SEMA4C: variants seen among roughly 807,000 people sequenced by gnomAD.
SEMA4C encodes semaphorin 4C.
A neutral mutation model predicts 89.0 loss-of-function variants in SEMA4C; 19 were observed. That is an observed-to-expected ratio of 0.21 (90% CI 0.15 to 0.31). The LOEUF (loss-of-function observed/expected upper bound fraction) is 0.31, where lower values mean the gene tolerates loss of function less well. Ranked by LOEUF, SEMA4C falls within the 10% of genes least tolerant of loss-of-function variation. The pLI is 1.00. For synonymous variants in SEMA4C, 428 were observed against 472.7 expected (o/e 0.91, Z 1.23); for missense variants, 811 against 1,107.0 (o/e 0.73, Z 3.79).
chr2:96,867,454 G>T (rs991942402), intron 2 of SEMA4C, among the ~76,000 whole-genome samples: 1 of 152,216 alleles, frequency 6.6e-6, no homozygotes, highest in South Asian at 2.1e-4. Context: ...GGAGCCAGGG[G>T]AGAGAGCCTC....
rs765734051 is a variant in SEMA4C, at chr2:96,861,904, A to C, written c.1444-10T>G. The C allele has an allele frequency of 6.2e-7, 1 of 1,602,324 alleles. No homozygotes were observed. The highest frequency in any genetic ancestry group is 2.3e-5 in the East Asian group (1 of 44,426). On this transcript the variant is annotated splice_polypyrimidine_tract_variant and intron_variant, in intron 12 of 14. Transcript: ENST00000305476. The surrounding 1 kb of genome is among the most constrained non-coding windows in gnomAD (Gnocchi z 7.8). ...CGGCAAAGAGCAGCTTCTGCGAGAAAAGCGGGGCGCAGGAGGGGGGTCGGC... is the reference window on the plus strand; with the variant it reads ...CGGCAAAGAGCAGCTTCTGCGAGAACAGCGGGGCGCAGGAGGGGGGTCGGC...
At position 96,870,076 on chromosome 2, in the gene SEMA4C, T is replaced by C. The variant is rs2080171729; in HGVS notation, c.-238A>G. 1 of 970,838 alleles carries C rather than the reference T, an allele frequency of 1.0e-6. No homozygotes were observed. The highest frequency in any genetic ancestry group is 1.8e-5 in the African/African-American group (1 of 56,770). The allele number at this position is 970,838 out of a possible 1,614,324, so 60.1% of individuals were successfully genotyped here. A position where few individuals can be genotyped will look rare whatever the true frequency, so the allele number is the denominator to read the frequency against. ...GCCACCACGGCGGGCGCCGGCTCTT[T>C]CTCCAGCGCGGCCGCGGCTCTCCGC... On this transcript the variant is annotated 5_prime_UTR_variant, in exon 1 of 15. Transcript: ENST00000305476.
At chr2:96,869,360 C>T (rs1283393378) in intron 1 of SEMA4C, 1 of 984,550 alleles carries the variant, frequency 1.0e-6, no homozygotes, top group Non-Finnish European at 1.2e-6. Context: ...AGCGGCCAGC[C>T]GTGGACCGCG....
chr2:96,867,695 C>G, intron 2 of SEMA4C, 83 bp downstream of exon 2: 1 of 1,341,570 alleles, frequency 7.5e-7, no homozygotes, highest in Non-Finnish European at 1.1e-6. Flanking sequence ...GTGCCACACA[C>G]GTGAGAATAA....
At chr2:96,863,879 C>T in intron 11 of SEMA4C, 47 bp downstream of exon 11, 1 of 1,598,006 alleles carries the variant, frequency 6.3e-7, no homozygotes. Context: ...GGCACACGGG[C>T]TTCTGCCCAG....
At chr2:96,866,772 C>T (rs1169195267) in intron 2 of SEMA4C, 4 of 418,260 alleles carry the variant, frequency 9.6e-6, no homozygotes, top group Admixed American at 3.4e-5. Flanking sequence ...ACCCCACCTT[C>T]GCTTCCTCGG....
Position 96,865,667 on chromosome 2 carries a change from A to G in SEMA4C, c.419T>C (p.Val140Ala). The G allele has an allele frequency of 6.2e-7, 1 of 1,613,302 alleles. No homozygotes were observed. Among genetic ancestry groups the G allele is most frequent in the Non-Finnish European group, 8.5e-7 (1 of 1,179,314 alleles). The part of the protein sequence containing the change: ...TYAFQPKCTY[V>A]NMLTFTLEHG... ...CCGAGGTAGGAGGGCAGCACTCACG[A>G]CGTAGGTGCACTTGGGCTGGAAGGC... Residue 140 changes from valine (V) to alanine (A), a missense_variant and splice_region_variant, in exon 5 of 15, where the codon GTC becomes GCC. Around this residue, in one of 4 missense-constraint regions of SEMA4C, gnomAD observed 441 missense variants for 664.9 expected, o/e 0.66. Coordinates refer to ENST00000305476, the MANE Select transcript of SEMA4C (RefSeq NM_017789.5).
intron 1 of SEMA4C, chr2:96,868,872 A>G: frequency 1.0e-6 from 1 of 985,036 alleles, no homozygotes. Context: ...CGCCCCAGGG[A>G]CCCTGGCCTG....
rs746106575 is a variant in SEMA4C at position 96,861,057 on chromosome 2, G to T, written c.2071C>A (p.Arg691=). ...TTGGCCCCTTTCTCCAGCTCTTCCC[G>T]CAGCCGCCGGCGCAATGACAGCACC... is the stretch of plus-strand genomic sequence containing the variant. ...LLVLSLRRRL[R]EELEKGAKAT... The change falls in exon 15 of 15, where the codon CGG becomes AGG. Residue 691 remains arginine (R), a synonymous_variant. Coordinates refer to ENST00000305476, the MANE Select transcript of SEMA4C (RefSeq NM_017789.5). The surrounding 1 kb of genome is among the most constrained non-coding windows in gnomAD (Gnocchi z 7.8). 1 of 1,612,658 alleles carries T rather than the reference G, an allele frequency of 6.2e-7. No homozygotes were observed. Among genetic ancestry groups the T allele is most frequent in the South Asian group, 1.1e-5 (1 of 91,074 alleles).
At chr2:96,866,952 G>C (rs953349483) in intron 2 of SEMA4C, 1 of 277,022 alleles carries the variant, frequency 3.6e-6, no homozygotes, top group Non-Finnish European at 7.2e-6. Context: ...GACAGGTGGG[G>C]ATGGCAGGAG....
upstream of SEMA4C, chr2:96,870,421 G>A: frequency 1.1e-6 from 1 of 898,074 alleles, no homozygotes; most frequent in East Asian, 1.2e-4. Flanking sequence ...GGCGGGCTGG[G>A]CTGGGGAGAG....
chr2:96,867,487 CA>C (rs2080105296), intron 2 of SEMA4C, among the ~76,000 whole-genome samples: 1 of 152,166 alleles, frequency 6.6e-6, no homozygotes, highest in East Asian at 1.9e-4. Flanking sequence ...ATCCCGGTTC[CA>C]GTTTCTCTTT....
Position 96,864,945 on chromosome 2 carries a change from C to G in SEMA4C, c.786+19G>C, listed in dbSNP as rs2080035603. ...GGGCCAGCAGGGCTCCCAGGGCCCA[C>G]CGCTGTGAGACTCGGTACCTTGCAG... On this transcript the variant is annotated intron_variant, in intron 8 of 14. Transcript: ENST00000305476. This position sits in a 1 kb window ranked among gnomAD's most constrained non-coding sequence, Gnocchi z 6.3. 6.2e-7 allele frequency: 1 copy of G among 1,602,472 alleles called. No homozygotes were observed. The highest frequency in any genetic ancestry group is 8.5e-7 in the Non-Finnish European group (1 of 1,175,052).
intron 12 of SEMA4C, chr2:96,863,417 G>C (rs978473411): frequency 2.2e-5 from 27 of 1,235,718 alleles, no homozygotes; most frequent in Admixed American, 1.5e-4. Context: ...AAGAAACATG[G>C]GAGCAGTTGC....
Position 96,864,693 on chromosome 2 carries a change from T to C in SEMA4C, c.962+12A>G, listed in dbSNP as rs762208863. ...GCTCCTCCCCACTCTGTGGGAGCCC[T>C]GGCCAACTCACCACTGTGCTTGAAA... On this transcript the variant is annotated intron_variant, in intron 9 of 14. Transcript: ENST00000305476. This position sits in a 1 kb window ranked among gnomAD's most constrained non-coding sequence, Gnocchi z 6.3. The C allele has an allele frequency of 3.8e-6, 6 of 1,595,854 alleles. No individual in the cohort carries two copies. In the East Asian group the frequency reaches 1.1e-4, roughly 30 times the overall value.
At chr2:96,868,789 G>A in intron 1 of SEMA4C, 1 of 985,294 alleles carries the variant, frequency 1.0e-6, no homozygotes, top group Non-Finnish European at 1.2e-6. Flanking sequence ...CCGGGCCGCT[G>A]GCAACGCGCC....
chr2:96,867,856 C>T lies in SEMA4C; in HGVS notation c.31G>A (p.Ala11Thr), dbSNP rs1383016653. The change falls in exon 2 of 15, where the codon GCA (alanine) becomes ACA (threonine). Residue 11 changes from alanine to threonine, a missense_variant. Around this residue, in one of 4 missense-constraint regions of SEMA4C, gnomAD observed 119 missense variants for 152.7 expected, o/e 0.78. Transcript: ENST00000305476. Reference protein sequence around the residue: MAPHWAVWLLAARLWGLGIGA... With the variant: MAPHWAVWLLTARLWGLGIGA... ...ATGCCCAGGCCCCACAGCCTTGCTG[C>T]CAGCAGCCAGACAGCCCAGTGTGGG... The T allele has an allele frequency of 2.5e-6, 4 of 1,613,656 alleles. No individual in the cohort carries two copies. Among genetic ancestry groups the T allele is most frequent in the Non-Finnish European group, 3.4e-6 (4 of 1,180,004 alleles).
At position 96,864,291 on chromosome 2, in the gene SEMA4C, C is replaced by A. The variant is rs780078462; in HGVS notation, c.1054G>T (p.Ala352Ser). 2.5e-6 allele frequency: 4 copies of A among 1,613,952 alleles called. No individual in the cohort carries two copies. The African/African-American group carries it at 5.3e-5, about 22-fold the overall frequency. The change falls in exon 10 of 15, where the codon GCC becomes TCC. Residue 352 changes from alanine to serine, a missense_variant. By Grantham distance (99) the Ala-to-Ser change is moderately conservative. Around this residue, in one of 4 missense-constraint regions of SEMA4C, gnomAD observed 441 missense variants for 664.9 expected, o/e 0.66. Transcript: ENST00000305476. The surrounding 1 kb of genome is among the most constrained non-coding windows in gnomAD (Gnocchi z 6.3). ...TCAGTGTAGCGGTCCCACTTCTGGG[C>A]TTCCTCATGGTACTCCTTATAGGGG... ...EGPYKEYHEE[A>S]QKWDRYTDPV...
Position 96,861,952 on chromosome 2 carries a change from C to T in SEMA4C, c.1444-58G>A, listed in dbSNP as rs2079956475. 3 of 1,537,798 alleles carry T rather than the reference C, an allele frequency of 2.0e-6. No individual in the cohort carries two copies. The highest frequency in any genetic ancestry group is 2.4e-5 in the South Asian group (2 of 83,728). ...GGCCAGGGCCACACCACGGGAGGGGCGGCCGGACCAGAACGCAGCATGGGG... is the reference window on the plus strand; with the variant it reads ...GGCCAGGGCCACACCACGGGAGGGGTGGCCGGACCAGAACGCAGCATGGGG... On this transcript the variant is annotated intron_variant, in intron 12 of 14. Transcript: ENST00000305476. This position sits in a 1 kb window ranked among gnomAD's most constrained non-coding sequence, Gnocchi z 7.8.
Sources: allele counts gnomAD v4.1 joint callset (sites outside exome capture counted in the v4.1 genomes callset), GRCh38; gene constraint gnomAD v4.1.1; regional missense constraint gnomAD v4.1.1; non-coding constraint Gnocchi (gnomAD v3.1); transcripts MANE v1.5; gene names NCBI Gene and HGNC (gene_info 2026-07-23, HGNC 2026-07-21).